PMF1: variants seen among roughly 807,000 people sequenced by gnomAD.
The protein encoded by PMF1 is polyamine-modulated factor 1.
In PMF1, 21 loss-of-function variants were observed where a neutral mutation model predicts 26.7. The ratio of observed to expected loss-of-function variants is 0.79; its 90% CI spans 0.56 to 1.13. PMF1 has a LOEUF of 1.13. Ranked by LOEUF, PMF1 falls within the 50% of genes most tolerant of loss-of-function variation. PMF1 has a pLI of 0.00. For synonymous variants in PMF1, 105 were observed against 101.0 expected (o/e 1.04, Z -0.24); for missense variants, 266 against 254.9 (o/e 1.04, Z -0.30).
intron 1 of PMF1, among the ~76,000 whole-genome samples, chr1:156,228,598 C>T (rs1658520297): frequency 6.6e-6 from 1 of 152,222 alleles, no homozygotes; most frequent in East Asian, 1.9e-4. Flanking sequence ...ATTTGCTTCA[C>T]CCCTGCCCTG....
intron 4 of PMF1, among the ~76,000 whole-genome samples, chr1:156,237,915 C>G (rs988154120): frequency 5.3e-5 from 8 of 150,682 alleles, no homozygotes; most frequent in African/African-American, 2.0e-4. Context: ...ATTACAGGTA[C>G]CTGCTGTGAC....
Position 156,232,430 on chromosome 1 carries a change from G to A in PMF1, c.267+5G>A, listed in dbSNP as rs1193787150. 6.2e-7 allele frequency: 1 copy of A among 1,613,584 alleles called. No individual in the cohort carries two copies. Among genetic ancestry groups the A allele is most frequent in the Non-Finnish European group, 8.5e-7 (1 of 1,179,586 alleles). ...CAGTTGCAGACATCTATCCGGGTGA[G>A]TGGCGGGAAGCCTGGCAGGTGCTGT... is the stretch of plus-strand genomic sequence containing the variant. On this transcript the variant is annotated splice_donor_5th_base_variant and intron_variant, in intron 2 of 4. Transcript: ENST00000368277.
At chr1:156,227,765 T>G (rs1658449409) in intron 1 of PMF1, among the ~76,000 whole-genome samples, 1 of 151,864 alleles carries the variant, frequency 6.6e-6, no homozygotes, top group African/African-American at 2.4e-5. Flanking sequence ...CCCAAAGTGC[T>G]GGGATAACAG....
chr1:156,226,157 T>C (rs576383700), intron 1 of PMF1, among the ~76,000 whole-genome samples: 1 of 152,194 alleles, frequency 6.6e-6, no homozygotes, highest in Non-Finnish European at 1.5e-5. Flanking sequence ...GCCTGGTTAA[T>C]GTTTTTATTT....
intron 1 of PMF1, among the ~76,000 whole-genome samples, chr1:156,222,800 A>ATCCACT (rs1658157212): frequency 6.6e-6 from 1 of 151,666 alleles, no homozygotes; most frequent in African/African-American, 2.4e-5. Flanking sequence ...TACAGGCGTG[A>ATCCACT]GTGTATGGCG....
chr1:156,221,610 A>C (rs1385961261), intron 1 of PMF1, among the ~76,000 whole-genome samples: 1 of 152,182 alleles, frequency 6.6e-6, no homozygotes, highest in African/African-American at 2.4e-5. Context: ...TTCAGTACAT[A>C]GTTTTAGATA....
chr1:156,221,639 A>G (rs1658088835), intron 1 of PMF1, among the ~76,000 whole-genome samples: 1 of 152,142 alleles, frequency 6.6e-6, no homozygotes, highest in African/African-American at 2.4e-5. Context: ...TTCCCAAGCA[A>G]TATCTCCCCT....
At chr1:156,235,129 T>C (rs1458955351) in intron 3 of PMF1, among the ~76,000 whole-genome samples, 3 of 152,052 alleles carry the variant, frequency 2.0e-5, no homozygotes, top group Admixed American at 2.0e-4. Context: ...AGAATTTTTT[T>C]TTTTTTTTGA....
chr1:156,233,660 C>A lies in PMF1; in HGVS notation c.300C>A (p.Asn100Lys). 1 of 1,613,930 alleles carries A rather than the reference C, an allele frequency of 6.2e-7. No individual in the cohort carries two copies. Among genetic ancestry groups the A allele is most frequent in the Non-Finnish European group, 8.5e-7 (1 of 1,179,954 alleles). Residue 100 changes from asparagine to lysine, a missense_variant, in exon 3 of 5, where the codon AAC (asparagine) becomes AAA (lysine). Asn to Lys is a moderately conservative substitution (Grantham distance 94). Transcript: ENST00000368277. ...EEISDIKEEG[N>K]LEAVLNALDK... ...TCTCTGACATCAAAGAGGAGGGGAACCTAGAAGCTGTCTTGAATGCCTTGG... is the reference window on the plus strand; with the variant it reads ...TCTCTGACATCAAAGAGGAGGGGAAACTAGAAGCTGTCTTGAATGCCTTGG...
chr1:156,221,053 G>A lies in PMF1; in HGVS notation c.161+7877G>A, dbSNP rs57308901. 1.7e-3 allele frequency among the ~76,000 whole-genome samples: 260 copies of A among 152,220 alleles called. 1 individual carries two copies. Among genetic ancestry groups the A allele is most frequent in the African/African-American group, 5.8e-3 (240 of 41,532 alleles). On this transcript the variant is annotated intron_variant, in intron 1 of 4. Transcript: ENST00000368277. ...TCAGATTTCTCCCTTGGTTTCCGAC[G>A]TCATTCTCTGCCCCTTTACCTGACT...
At chr1:156,231,157 C>T (rs1323046442) in intron 1 of PMF1, among the ~76,000 whole-genome samples, 5 of 130,382 alleles carry the variant, frequency 3.8e-5, no homozygotes, top group African/African-American at 9.0e-5. Flanking sequence ...GCGGAGCTTG[C>T]AGTGAGCCGA....
intron 2 of PMF1, 91 bp downstream of exon 2, chr1:156,232,516 C>A (rs1436798397): frequency 2.5e-6 from 3 of 1,200,592 alleles, no homozygotes; most frequent in Non-Finnish European, 3.6e-6. Context: ...ACCCTCTACA[C>A]CTCTGTCTCC....
At chr1:156,236,255 C>T (rs781394875) in intron 3 of PMF1, 33 bp from the exon 4 acceptor site, 1 of 1,586,308 alleles carries the variant, frequency 6.3e-7, no homozygotes, top group Non-Finnish European at 8.6e-7. Flanking sequence ...CCTTCCGCCT[C>T]CTTCATTCCT....
At chr1:156,214,947 G>A (rs978334891) in intron 1 of PMF1, among the ~76,000 whole-genome samples, 8 of 150,550 alleles carry the variant, frequency 5.3e-5, no homozygotes, top group African/African-American at 1.7e-4. Context: ...GCTCGATCTC[G>A]GCTCACTGTA....
Position 156,239,661 on chromosome 1 carries a change from G to GCCCGC in PMF1, c.*62_*63insCGCCC. ...AGGTCAAGAGCCTGTGGTCCAGCAT[G>GCCCGC]CCTGGCCTGGGCGGGCTACCTCTGA... On this transcript the variant is annotated 3_prime_UTR_variant, in exon 5 of 5. Transcript: ENST00000368277. 2.1e-6 allele frequency: 3 copies of GCCCGC among 1,441,048 alleles called. No homozygotes were observed. The highest frequency in any genetic ancestry group is 2.9e-6 in the Non-Finnish European group (3 of 1,025,888). The allele number at this position is 1,441,048 out of a possible 1,614,324, so 89.3% of individuals were successfully genotyped here.
intron 1 of PMF1, among the ~76,000 whole-genome samples, chr1:156,215,215 G>A (rs1657640280): frequency 6.6e-6 from 1 of 152,058 alleles, no homozygotes; most frequent in Non-Finnish European, 1.5e-5. Flanking sequence ...GAATGTATAG[G>A]AAAAGGGGAC....
At chr1:156,238,950 G>A (rs1281758008) in intron 4 of PMF1, among the ~76,000 whole-genome samples, 1 of 152,042 alleles carries the variant, frequency 6.6e-6, no homozygotes, top group Non-Finnish European at 1.5e-5. Flanking sequence ...CACTCCCAGG[G>A]CCCCCTGCTG....
chr1:156,232,433 G>A lies in PMF1; in HGVS notation c.267+8G>A, dbSNP rs1421679336. 1.2e-6 allele frequency: 2 copies of A among 1,613,462 alleles called. No homozygotes were observed. The highest frequency in any genetic ancestry group is 1.7e-5 in the Admixed American group (1 of 59,992). On this transcript the variant is annotated splice_region_variant and intron_variant, in intron 2 of 4. Transcript: ENST00000368277. Reference sequence around the variant, plus strand: ...TTGCAGACATCTATCCGGGTGAGTGGCGGGAAGCCTGGCAGGTGCTGTTGA... The same window carrying A: ...TTGCAGACATCTATCCGGGTGAGTGACGGGAAGCCTGGCAGGTGCTGTTGA...
intron 3 of PMF1, among the ~76,000 whole-genome samples, chr1:156,234,233 G>T (rs1253703301): frequency 2.0e-5 from 3 of 152,170 alleles, no homozygotes; most frequent in Non-Finnish European, 4.4e-5. Context: ...CCCTTCAGGG[G>T]AGGAGAGCCC....
Sources: gnomAD v4.1 joint callset for allele counts (sites outside exome capture counted in the v4.1 genomes callset) on GRCh38, gnomAD v4.1.1 for gene constraint, MANE v1.5 for transcripts, NCBI Gene and HGNC (gene_info 2026-07-23, HGNC 2026-07-21) for gene names.